Variants in MAGI2 observed in about 807,000 individuals in gnomAD.
MAGI2 encodes the protein membrane-associated guanylate kinase, WW and PDZ domain-containing protein 2.
A neutral mutation model predicts 133.3 loss-of-function variants in MAGI2; 35 were observed. That is an observed-to-expected ratio of 0.26 (90% CI 0.20 to 0.35). The LOEUF is 0.35. MAGI2 is among the 10% of genes least tolerant of loss of function. MAGI2 has a pLI of 1.00. For synonymous variants in MAGI2, 729 were observed against 710.6 expected, an observed-to-expected ratio of 1.03 and a Z score of -0.41; for missense variants, 1,636 against 1,863.4, an observed-to-expected ratio of 0.88 and a Z score of 2.25.
chr7:79,213,801 T>C (rs1829724605), intron 1 of MAGI2, among the ~76,000 whole-genome samples: 1 of 152,086 alleles, frequency 6.6e-6, no homozygotes, highest in Admixed American at 6.5e-5. Context: ...AATCAAATGT[T>C]CATGGAGAAT....
At chr7:79,136,060 A>AGAAAGAAG (rs1481563079) in intron 1 of MAGI2, among the ~76,000 whole-genome samples, 1 of 131,154 alleles carries the variant, frequency 7.6e-6, no homozygotes. Flanking sequence ...AAAGAAAGAA[A>AGAAAGAAG]GAAAGAAGGA....
At chr7:79,032,666 A>G (rs10236869) in intron 1 of MAGI2, among the ~76,000 whole-genome samples, 17,533 of 151,424 alleles carry the variant, frequency 0.12, 1,440 homozygotes, top group African/African-American at 0.24. Context: ...CTCTATCTGT[A>G]GCTTTCAGGG....
At chr7:78,717,962 A>G (rs771238163) in intron 2 of MAGI2, among the ~76,000 whole-genome samples, 2 of 152,198 alleles carry the variant, frequency 1.3e-5, no homozygotes, top group Non-Finnish European at 2.9e-5. Context: ...CAAACCCAAG[A>G]TAACTCTGTA....
In MAGI2 at chr7:78,813,711, G is replaced by A. The variant is rs562547448; in HGVS notation, c.419-186472C>T. 2.0e-5 allele frequency among the ~76,000 whole-genome samples: 3 copies of A among 151,026 alleles called. No individual in the cohort carries two copies. The South Asian group carries it at 6.3e-4, about 32-fold the overall frequency. ...TGAGGCAGGAGAATGGCGTGAACCC[G>A]GGAGGCAGAGCTTGCAGTGAGCTGA... On this transcript the variant is annotated intron_variant, in intron 2 of 21. Transcript: ENST00000354212.
At chr7:78,021,592 A>G (rs576428755) in intron 21 of MAGI2, among the ~76,000 whole-genome samples, 2 of 152,366 alleles carry the variant, frequency 1.3e-5, no homozygotes, top group East Asian at 1.9e-4. Flanking sequence ...GGTTTTCCCA[A>G]TAATTCTGGC....
chr7:78,044,560 A>C (rs1357670800), intron 21 of MAGI2, among the ~76,000 whole-genome samples: 1 of 152,184 alleles, frequency 6.6e-6, no homozygotes, highest in Non-Finnish European at 1.5e-5. Flanking sequence ...ACGACAGTAC[A>C]CTGTGAAATC....
chr7:79,380,687 A>G (rs1468060264), intron 1 of MAGI2, among the ~76,000 whole-genome samples: 2 of 151,840 alleles, frequency 1.3e-5, no homozygotes, highest in South Asian at 2.1e-4. Context: ...AAAATCCACT[A>G]CAATTTTATC....
chr7:78,068,308 A>G (rs1584999946), intron 21 of MAGI2, among the ~76,000 whole-genome samples: 1 of 152,278 alleles, frequency 6.6e-6, no homozygotes, highest in African/African-American at 2.4e-5. Flanking sequence ...TCCCGTGCCC[A>G]CTGCTCACCT....
chr7:78,878,756 C>T (rs554443251), intron 2 of MAGI2, among the ~76,000 whole-genome samples: 89 of 152,262 alleles, frequency 5.8e-4, no homozygotes, highest in African/African-American at 1.5e-3. Context: ...AAAACAAAAT[C>T]GTGGTGCAGT....
chr7:78,979,080 A>G (rs1395655110), intron 2 of MAGI2, among the ~76,000 whole-genome samples: 5 of 151,938 alleles, frequency 3.3e-5, no homozygotes, highest in Admixed American at 2.6e-4. Context: ...ATATAAATAT[A>G]CATGGTTACA....
chr7:78,923,509 A>T (rs914180111), intron 2 of MAGI2, among the ~76,000 whole-genome samples: 15 of 151,958 alleles, frequency 9.9e-5, no homozygotes, highest in East Asian at 1.9e-4. Flanking sequence ...GTTGTAGATA[A>T]GCGGCGTTAT....
Position 78,511,555 on chromosome 7 carries a change from T to TAAA in MAGI2, c.755-9769_755-9768insTTT, listed in dbSNP as rs1563103866. On this transcript the variant is annotated intron_variant, in intron 4 of 21. Transcript: ENST00000354212. ...CTTTTATATATATATATATAAATTT[T>TAAA]TTTTTTTTTTTTTTTGACACAGTGA... 5.6e-3 allele frequency among the ~76,000 whole-genome samples: 667 copies of TAAA among 118,584 alleles called. 2 individuals are homozygous for TAAA. Among genetic ancestry groups the TAAA allele is most frequent in the Non-Finnish European group, 8.7e-3 (474 of 54,684 alleles). The allele number at this position is 118,584 out of a possible 152,430, so 77.8% of individuals were successfully genotyped here.
chr7:79,306,203 GTATATATATATGTGTA>G (rs1837780393), intron 1 of MAGI2, among the ~76,000 whole-genome samples: 1 of 141,494 alleles, frequency 7.1e-6, no homozygotes, highest in Admixed American at 7.1e-5. Context: ...ATATATACAT[GTATATATATATGTGTA>G]TATATATTTT....
chr7:78,482,751 A>ACG, intron 6 of MAGI2, among the ~76,000 whole-genome samples: 1 of 151,784 alleles, frequency 6.6e-6, no homozygotes, highest in Non-Finnish European at 1.5e-5. Flanking sequence ...GGGATTGGTC[A>ACG]GGAAGAGGAG....
chr7:78,221,992 G>C (rs75032808), intron 10 of MAGI2, among the ~76,000 whole-genome samples: 2,581 of 152,176 alleles, frequency 0.017, 71 homozygotes, highest in African/African-American at 0.057. Flanking sequence ...TCAGGCTGTA[G>C]TGAGCTATGA....
At chr7:78,536,759 GTTTTTT>G (rs55740303) in intron 3 of MAGI2, among the ~76,000 whole-genome samples, 2 of 122,412 alleles carry the variant, frequency 1.6e-5, no homozygotes, top group East Asian at 2.4e-4. Flanking sequence ...TTTTGTTGTT[GTTTTTT>G]TTTTTTTTTT....
chr7:78,890,234 T>C (rs546618784), intron 2 of MAGI2, among the ~76,000 whole-genome samples: 16 of 152,268 alleles, frequency 1.1e-4, no homozygotes, highest in African/African-American at 3.9e-4. Flanking sequence ...AAGCAAGTCC[T>C]TAGAGACCTA....
At chr7:78,340,769 A>C (rs1445554250) in intron 9 of MAGI2, among the ~76,000 whole-genome samples, 1 of 152,186 alleles carries the variant, frequency 6.6e-6, no homozygotes, top group African/African-American at 2.4e-5. Flanking sequence ...CTTCATACTA[A>C]AACCTCTCCA....
In MAGI2 at chr7:78,428,535, C is replaced by T. The variant is rs17150714; in HGVS notation, c.1046-59322G>A. ...TTTCCTTCACAAACTGGCCTTTTCA[C>T]GGTTTGTCAAAAAGTATATTTAAAA... On this transcript the variant is annotated intron_variant, in intron 6 of 21. Coordinates refer to ENST00000354212, the MANE Select transcript of MAGI2 (RefSeq NM_012301.4). Among the ~76,000 whole-genome samples the T allele has an allele frequency of 2.2e-3, 333 of 152,242 alleles. 2 individuals carry two copies. Among genetic ancestry groups the T allele is most frequent in the African/African-American group, 7.2e-3 (301 of 41,552 alleles).
Sources: gnomAD v4.1 joint callset for allele counts (sites outside exome capture counted in the v4.1 genomes callset) on GRCh38, gnomAD v4.1.1 for gene constraint, MANE v1.5 for transcripts, NCBI Gene and HGNC (gene_info 2026-07-23, HGNC 2026-07-21) for gene names.